DNAH10: variants seen among roughly 807,000 people sequenced by gnomAD.
DNAH10 encodes the protein axonemal beta dynein heavy chain 10.
A neutral mutation model predicts 506.6 loss-of-function variants in DNAH10; 348 were observed. The ratio of observed to expected loss-of-function variants is 0.69; its 90% confidence interval spans 0.63 to 0.75. The LOEUF is 0.75. DNAH10 is among the 30% of genes least tolerant of loss of function. The pLI, the probability that DNAH10 is intolerant of heterozygous loss-of-function variation, is 0.00. For missense variants in DNAH10, 5,179 were observed against 5,787.1 expected (o/e 0.89, Z 3.41); for synonymous variants, 2,059 against 2,198.6 (o/e 0.94, Z 1.78).
chr12:123,785,977 T>G lies in DNAH10; in HGVS notation c.1421+41T>G, dbSNP rs758860239. On this transcript the variant is annotated intron_variant, in intron 9 of 78. Coordinates refer to ENST00000673944, the MANE Select transcript of DNAH10 (RefSeq NM_001372106.1). The surrounding 1 kb of genome is among the most constrained non-coding windows in gnomAD (Gnocchi z 4.1). ...GTTCATTTTTTTGTTTTGTTTTGTT[T>G]CACTTTTTACTTTTTAGATCTTAAA... 19 of 1,585,066 alleles carry G rather than the reference T, an allele frequency of 1.2e-5. No individual in the cohort carries two copies. Among genetic ancestry groups the G allele is most frequent in the Middle Eastern group, 1.7e-4 (1 of 5,986 alleles).
intron 39 of DNAH10, 87 bp from the exon 40 acceptor site, chr12:123,864,508 C>T (rs1362020400): frequency 2.7e-6 from 4 of 1,504,540 alleles, no homozygotes; most frequent in Non-Finnish European, 3.6e-6. Flanking sequence ...GGGAAAAAGA[C>T]ATTCAACATG....
chr12:123,838,789 A>G, intron 29 of DNAH10, 100 bp downstream of exon 29: 4 of 1,090,918 alleles, frequency 3.7e-6, no homozygotes, highest in Admixed American at 2.2e-5. Context: ...CAGAGGGTTA[A>G]GACTGAAATG....
intron 10 of DNAH10, 32 bp downstream of exon 10, chr12:123,788,034 C>T: frequency 6.4e-7 from 1 of 1,551,472 alleles, no homozygotes; most frequent in Non-Finnish European, 8.7e-7. Flanking sequence ...GCGGAATTTG[C>T]CCCGAAGAAG....
chr12:123,894,810 A>G lies in DNAH10; in HGVS notation c.9280+87A>G, dbSNP rs1335682136. The G allele has an allele frequency of 7.8e-5, 96 of 1,225,026 alleles. 2 individuals carry two copies. The South Asian group carries it at 1.1e-3, about 15-fold the overall frequency. 75.9% of individuals were successfully genotyped at this position (1,225,026 alleles called of 1,614,324 possible). On this transcript the variant is annotated intron_variant, in intron 54 of 78. Coordinates refer to ENST00000673944, the MANE Select transcript of DNAH10 (RefSeq NM_001372106.1). ...TTCTGACTTTGAATTCTGGTCTTGT[A>G]GATTTCTTCACTGGAAAACCCTATG...
chr12:123,909,943 AGCTCAGTTCCTGACCCTGCCCAGT>A lies in DNAH10; in HGVS notation c.9997+508_9997+531del, dbSNP rs1953988098. On this transcript the variant is annotated intron_variant, in intron 58 of 78. Coordinates refer to ENST00000673944, the MANE Select transcript of DNAH10 (RefSeq NM_001372106.1). The surrounding 1 kb of genome is among the most constrained non-coding windows in gnomAD (Gnocchi z 5.4). Reference sequence around the variant, plus strand: ...TGGTTATAGGACTGAGTTCCCCTTGAGCTCAGTTCCTGACCCTGCCCAGTGCTCAGCCAGGCGGTGATAGTGTAA... The same window carrying A: ...TGGTTATAGGACTGAGTTCCCCTTGAGCTCAGCCAGGCGGTGATAGTGTAA... 2.0e-5 allele frequency among the ~76,000 whole-genome samples: 3 copies of A among 152,150 alleles called. No homozygotes were observed. The highest frequency in any genetic ancestry group is 2.9e-5 in the Non-Finnish European group (2 of 68,032).
intron 36 of DNAH10, among the ~76,000 whole-genome samples, chr12:123,855,869 C>T (rs902768277): frequency 1.7e-4 from 26 of 150,744 alleles, no homozygotes; most frequent in Admixed American, 1.3e-4. Context: ...ACCCTGGCCT[C>T]ACTCCTCTGC....
intron 19 of DNAH10, among the ~76,000 whole-genome samples, chr12:123,810,648 G>A (rs1176611844): frequency 7.2e-5 from 11 of 151,946 alleles, no homozygotes; most frequent in Non-Finnish European, 1.3e-4. Flanking sequence ...AGCCGAGATC[G>A]CACCACTGCA....
intron 25 of DNAH10, 43 bp downstream of exon 25, chr12:123,826,941 A>T (rs1415913482): frequency 6.5e-7 from 1 of 1,534,934 alleles, no homozygotes; most frequent in South Asian, 1.2e-5. Flanking sequence ...GTGTGGGAGG[A>T]GCTTTTAGTT....
chr12:123,907,678 C>T lies in DNAH10; in HGVS notation c.9816-1583C>T, dbSNP rs527644199. Among the ~76,000 whole-genome samples the T allele has an allele frequency of 1.3e-5, 2 of 152,304 alleles. No individual in the cohort carries two copies. Among genetic ancestry groups the T allele is most frequent in the African/African-American group, 4.8e-5 (2 of 41,570 alleles). On this transcript the variant is annotated intron_variant, in intron 57 of 78. Transcript: ENST00000673944. The surrounding 1 kb of genome is among the most constrained non-coding windows in gnomAD (Gnocchi z 4.4). Reference sequence around the variant, plus strand: ...CTTGCCCAAGGGCTCAGGACCCCGCCGCAGGCCTGGGCTCCTTCTGTCTTG... The same window carrying T: ...CTTGCCCAAGGGCTCAGGACCCCGCTGCAGGCCTGGGCTCCTTCTGTCTTG...
At chr12:123,821,428 C>T (rs1166481668) in intron 24 of DNAH10, among the ~76,000 whole-genome samples, 1 of 152,232 alleles carries the variant, frequency 6.6e-6, no homozygotes, top group Admixed American at 6.5e-5. Flanking sequence ...AGTCCTGGGT[C>T]GAAGTGATCC....
intron 18 of DNAH10, among the ~76,000 whole-genome samples, chr12:123,806,708 C>T (rs1207117963): frequency 2.0e-5 from 3 of 151,748 alleles, no homozygotes; most frequent in Non-Finnish European, 4.4e-5. Context: ...AATTTAGATT[C>T]CTAAAGCAGT....
At chr12:123,793,593 C>T (rs556454295) in intron 11 of DNAH10, among the ~76,000 whole-genome samples, 22 of 152,292 alleles carry the variant, frequency 1.4e-4, no homozygotes, top group Admixed American at 3.9e-4. Context: ...CCGTCTCGGC[C>T]TCCCAAAGTA....
chr12:123,910,441 T>C, intron 58 of DNAH10, 95 bp from the exon 59 acceptor site: 1 of 1,489,898 alleles, frequency 6.7e-7, no homozygotes, highest in Non-Finnish European at 9.1e-7. Context: ...ACAGGGCCAC[T>C]GAAGAATAAG....
chr12:123,841,587 A>G lies in DNAH10; in HGVS notation c.5360+42A>G, dbSNP rs755628208. Reference sequence around the variant, plus strand: ...GGACATGCATTGCTCTATCCAATTCATAGTCATAATGGATTAATTTTAAAG... The same window carrying G: ...GGACATGCATTGCTCTATCCAATTCGTAGTCATAATGGATTAATTTTAAAG... On this transcript the variant is annotated intron_variant, in intron 30 of 78. Coordinates refer to ENST00000673944, the MANE Select transcript of DNAH10 (RefSeq NM_001372106.1). 51 of 1,561,570 alleles carry G rather than the reference A, an allele frequency of 3.3e-5. No individual in the cohort carries two copies. In the South Asian group the frequency reaches 4.2e-4, roughly 13 times the overall value.
intron 35 of DNAH10, among the ~76,000 whole-genome samples, chr12:123,852,328 A>G (rs956314512): frequency 6.6e-6 from 1 of 152,202 alleles, no homozygotes; most frequent in Non-Finnish European, 1.5e-5. Context: ...TCTTTCCAGA[A>G]GCTCTGGAAA....
At chr12:123,774,760 C>G (rs1188216289) in intron 5 of DNAH10, among the ~76,000 whole-genome samples, 3 of 152,234 alleles carry the variant, frequency 2.0e-5, no homozygotes, top group Non-Finnish European at 4.4e-5. Context: ...GTTCCTTGCC[C>G]TCATTCCCGT....
intron 9 of DNAH10, among the ~76,000 whole-genome samples, chr12:123,786,374 C>G (rs1289725255): frequency 6.8e-6 from 1 of 148,090 alleles, no homozygotes; most frequent in Non-Finnish European, 1.5e-5. Context: ...CAGAATTGTG[C>G]AGCCGTAACC....
Position 123,787,760 on chromosome 12 carries a change from G to A in DNAH10, c.1422-44G>A, listed in dbSNP as rs371001710. 33 of 1,587,132 alleles carry A rather than the reference G, an allele frequency of 2.1e-5. No individual in the cohort carries two copies. The highest frequency in any genetic ancestry group is 4.6e-5 in the South Asian group (4 of 87,504). Reference sequence around the variant, plus strand: ...CAGCCGGGGAGTGCGGCTCGGACCCGGAGCTCCGCCCTCCTCCCATCACGG... The same window carrying A: ...CAGCCGGGGAGTGCGGCTCGGACCCAGAGCTCCGCCCTCCTCCCATCACGG... On this transcript the variant is annotated intron_variant, in intron 9 of 78. Coordinates refer to ENST00000673944, the MANE Select transcript of DNAH10 (RefSeq NM_001372106.1). This position sits in a 1 kb window ranked among gnomAD's most constrained non-coding sequence, Gnocchi z 4.6.
chr12:123,803,646 T>C lies in DNAH10; in HGVS notation c.2615-15T>C, dbSNP rs756561765. 2.7e-5 allele frequency: 41 copies of C among 1,526,658 alleles called. No homozygotes were observed. The Admixed American group carries it at 2.9e-4, about 11-fold the overall frequency. The allele number at this position is 1,526,658 out of a possible 1,614,324, so 94.6% of individuals were successfully genotyped here. Reference sequence around the variant, plus strand: ...GTTGGAAGCCAAATGTCTTTCTTTCTTTCTTTCTTCAAAGGTATCGGTGAC... The same window carrying C: ...GTTGGAAGCCAAATGTCTTTCTTTCCTTCTTTCTTCAAAGGTATCGGTGAC... On this transcript the variant is annotated splice_polypyrimidine_tract_variant and intron_variant, in intron 16 of 78. Coordinates refer to ENST00000673944, the MANE Select transcript of DNAH10 (RefSeq NM_001372106.1).
Sources: allele counts gnomAD v4.1 joint callset (sites outside exome capture counted in the v4.1 genomes callset), GRCh38; gene constraint gnomAD v4.1.1; non-coding constraint Gnocchi (gnomAD v3.1); transcripts MANE v1.5; gene names NCBI Gene and HGNC (gene_info 2026-07-23, HGNC 2026-07-21).